Variants in RTF1 observed in about 807,000 individuals in gnomAD.
RTF1 encodes RNA polymerase-associated protein RTF1 homolog.
In RTF1, 10 loss-of-function variants were observed where a neutral mutation model predicts 95.7. The ratio of observed to expected loss-of-function variants is 0.10; its 90% confidence interval spans 0.06 to 0.18. The LOEUF (loss-of-function observed/expected upper bound fraction) is 0.18. Among genes scored for constraint, RTF1 ranks in the 10% least tolerant of loss-of-function variants. The pLI is 1.00. For missense variants in RTF1, 458 were observed against 875.6 expected, an observed-to-expected ratio of 0.52 and a Z score of 6.02; for synonymous variants, 305 against 311.8, an observed-to-expected ratio of 0.98 and a Z score of 0.23.
chr15:41,452,884 T>C lies in RTF1; in HGVS notation c.310-17T>C. On this transcript the variant is annotated splice_polypyrimidine_tract_variant and intron_variant, in intron 2 of 17. Coordinates refer to ENST00000389629, the MANE Select transcript of RTF1 (RefSeq NM_015138.5). ...CCTATTCCTATTTCAGTCTTCCTTT[T>C]TCTTTTCTCCTTATAGTGGACATTT... The C allele has an allele frequency of 6.5e-7, 1 of 1,548,340 alleles. No homozygotes were observed. Among genetic ancestry groups the C allele is most frequent in the Non-Finnish European group, 8.7e-7 (1 of 1,149,996 alleles).
At chr15:41,471,064 G>A (rs2050909052) in intron 7 of RTF1, 108 bp from the exon 8 acceptor site, 6 of 1,019,654 alleles carry the variant, frequency 5.9e-6, no homozygotes, top group Non-Finnish European at 8.7e-6. Context: ...TCTCCTCCTA[G>A]GCCAGTCACA....
chr15:41,451,083 C>G (rs1026192698), intron 2 of RTF1, among the ~76,000 whole-genome samples: 2 of 152,152 alleles, frequency 1.3e-5, no homozygotes, highest in African/African-American at 4.8e-5. Flanking sequence ...AACTACACCT[C>G]TACCCAACCC....
At chr15:41,424,903 T>A (rs952538833) in intron 1 of RTF1, among the ~76,000 whole-genome samples, 2 of 150,660 alleles carry the variant, frequency 1.3e-5, no homozygotes, top group Admixed American at 1.3e-4. Context: ...CAGCCACTGG[T>A]GAGGCTGAGG....
At chr15:41,438,520 G>T in intron 2 of RTF1, 89 bp downstream of exon 2, 1 of 777,528 alleles carries the variant, frequency 1.3e-6, no homozygotes, top group Non-Finnish European at 2.1e-6. Flanking sequence ...TTCCTTAAAT[G>T]GAGACTTACA....
intron 2 of RTF1, among the ~76,000 whole-genome samples, chr15:41,451,628 A>G (rs757782407): frequency 6.6e-6 from 1 of 152,174 alleles, no homozygotes; most frequent in Non-Finnish European, 1.5e-5. Context: ...TTAATGATGT[A>G]CTTTACTTTC....
At chr15:41,436,287 TAAA>T (rs746306495) in intron 1 of RTF1, among the ~76,000 whole-genome samples, 17 of 95,202 alleles carry the variant, frequency 1.8e-4, no homozygotes, top group Non-Finnish European at 3.0e-4. Flanking sequence ...CCGTCTCTAC[TAAA>T]AAAAAAAAAA....
intron 1 of RTF1, among the ~76,000 whole-genome samples, chr15:41,429,788 C>T (rs1032206733): frequency 1.4e-4 from 22 of 151,914 alleles, no homozygotes; most frequent in African/African-American, 5.1e-4. Flanking sequence ...GCCTCAGTGC[C>T]TCAGAGAAGC....
At chr15:41,469,186 T>TG (rs1805312956) in intron 6 of RTF1, among the ~76,000 whole-genome samples, 2 of 152,050 alleles carry the variant, frequency 1.3e-5, no homozygotes, top group Non-Finnish European at 2.9e-5. Context: ...AGGGTGGTCT[T>TG]GAACTCCTGA....
At chr15:41,434,110 G>A (rs1263381182) in intron 1 of RTF1, among the ~76,000 whole-genome samples, 1 of 149,944 alleles carries the variant, frequency 6.7e-6, no homozygotes, top group Non-Finnish European at 1.5e-5. Context: ...TCCCCAAAGT[G>A]CTGGAATTAC....
rs1447696342 is a variant in RTF1 at position 41,483,382 on chromosome 15, C to A, written c.*2695C>A. 6.6e-6 allele frequency: 1 copy of A among 152,634 alleles called. No homozygotes were observed. Among genetic ancestry groups the A allele is most frequent in the Admixed American group, 6.5e-5 (1 of 15,282 alleles). 9.5% of individuals were successfully genotyped at this position (152,634 alleles called of 1,614,324 possible). On this transcript the variant is annotated 3_prime_UTR_variant, in exon 18 of 18. Transcript: ENST00000389629. Reference sequence around the variant, plus strand: ...TTCCAAGAAGCAAAAAGGCCAGTGTCCATCTGCCTAGTTCATAATGTTTAT... The same window carrying A: ...TTCCAAGAAGCAAAAAGGCCAGTGTACATCTGCCTAGTTCATAATGTTTAT...
At chr15:41,473,235 G>T (rs1595440069) in intron 8 of RTF1, among the ~76,000 whole-genome samples, 1 of 151,850 alleles carries the variant, frequency 6.6e-6, no homozygotes, top group East Asian at 1.9e-4. Flanking sequence ...CTGGGTTCAC[G>T]CCATTCTCCT....
At chr15:41,454,046 T>C (rs2050800812) in intron 3 of RTF1, among the ~76,000 whole-genome samples, 1 of 152,190 alleles carries the variant, frequency 6.6e-6, no homozygotes, top group African/African-American at 2.4e-5. Context: ...TATGATAAAT[T>C]CACTAATCAA....
Position 41,417,132 on chromosome 15 carries a change from G to T in RTF1, c.17G>T (p.Cys6Phe). 1 of 1,253,372 alleles carries T rather than the reference G, an allele frequency of 8.0e-7. No individual in the cohort carries two copies. Among genetic ancestry groups the T allele is most frequent in the East Asian group, 3.1e-5 (1 of 31,942 alleles). 77.6% of individuals were successfully genotyped at this position (1,253,372 alleles called of 1,614,324 possible). ...GGAGCGCGCATGCGCGGTCGCCTTT[G>T]TGTGGGTCGAGCAGCGGCGGCGGCG... is the stretch of plus-strand genomic sequence containing the variant. MRGRL[C>F]VGRAAAAAAA... Residue 6 changes from cysteine to phenylalanine, a missense_variant, in exon 1 of 18, where the codon TGT becomes TTT. By Grantham distance (205) the Cys-to-Phe change is radical. This residue lies in a region of RTF1 where 81 missense variants were observed against 59.9 expected (regional missense o/e 1.35). Coordinates refer to ENST00000389629, the MANE Select transcript of RTF1 (RefSeq NM_015138.5).
intron 1 of RTF1, among the ~76,000 whole-genome samples, chr15:41,428,153 G>A (rs1049355217): frequency 2.6e-5 from 4 of 151,218 alleles, no homozygotes; most frequent in African/African-American, 9.7e-5. Flanking sequence ...GCTACATGGT[G>A]GGACATTTTC....
intron 1 of RTF1, among the ~76,000 whole-genome samples, chr15:41,425,489 T>G (rs989571905): frequency 1.3e-5 from 2 of 152,034 alleles, no homozygotes; most frequent in Non-Finnish European, 2.9e-5. Flanking sequence ...TGGAGAAGAT[T>G]TTCAGATTTG....
At chr15:41,454,796 A>G (rs2050804564) in intron 3 of RTF1, among the ~76,000 whole-genome samples, 1 of 152,186 alleles carries the variant, frequency 6.6e-6, no homozygotes, top group Non-Finnish European at 1.5e-5. Flanking sequence ...TGAAGTGGAC[A>G]TTTGATAACT....
chr15:41,427,948 G>C (rs967117281), intron 1 of RTF1, among the ~76,000 whole-genome samples: 1 of 151,882 alleles, frequency 6.6e-6, no homozygotes. Flanking sequence ...CACCACACCT[G>C]GCTAATTTTT....
intron 2 of RTF1, among the ~76,000 whole-genome samples, chr15:41,449,427 T>A (rs2050779545): frequency 6.6e-6 from 1 of 152,064 alleles, no homozygotes; most frequent in Admixed American, 6.6e-5. Flanking sequence ...GAGACGGGGT[T>A]TCACCGTGTT....
chr15:41,426,078 T>C (rs1385920231), intron 1 of RTF1, among the ~76,000 whole-genome samples: 1 of 151,662 alleles, frequency 6.6e-6, no homozygotes, highest in East Asian at 1.9e-4. Context: ...AGCTCAGGAG[T>C]TTGAGATCAG....
Sources: gnomAD v4.1 joint callset for allele counts (sites outside exome capture counted in the v4.1 genomes callset) on GRCh38, gnomAD v4.1.1 for gene constraint, gnomAD v4.1.1 regional missense constraint, MANE v1.5 for transcripts, NCBI Gene and HGNC (gene_info 2026-07-23, HGNC 2026-07-21) for gene names.